LIN54: variants seen among roughly 807,000 people sequenced by gnomAD.
The protein encoded by LIN54 is protein lin-54 homolog.
A neutral mutation model predicts 78.7 loss-of-function variants in LIN54; 9 were observed. The observed-to-expected ratio is 0.11, with a 90% CI of 0.07 to 0.20. The LOEUF (loss-of-function observed/expected upper bound fraction) is 0.20, where lower values mean the gene tolerates loss of function less well. Ranked by LOEUF, LIN54 falls within the 10% of genes least tolerant of loss-of-function variation. The pLI is 1.00. For missense variants in LIN54, 573 were observed against 889.9 expected (o/e 0.64, Z 4.53); for synonymous variants, 269 against 318.4 (o/e 0.84, Z 1.65).
At chr4:82,973,484 T>A (rs1170016628) in intron 3 of LIN54, among the ~76,000 whole-genome samples, 1 of 152,204 alleles carries the variant, frequency 6.6e-6, no homozygotes, top group Non-Finnish European at 1.5e-5. Context: ...AGTTACATAA[T>A]TTGACCTTGA....
intron 4 of LIN54, among the ~76,000 whole-genome samples, chr4:82,947,249 T>TG (rs1723471276): frequency 7.2e-6 from 1 of 138,808 alleles, no homozygotes; most frequent in African/African-American, 2.7e-5. Flanking sequence ...TTTTTTTTTT[T>TG]GAAGACAGGG....
At chr4:82,987,768 T>G (rs1454373456) in intron 1 of LIN54, among the ~76,000 whole-genome samples, 1 of 152,244 alleles carries the variant, frequency 6.6e-6, no homozygotes, top group Non-Finnish European at 1.5e-5. Flanking sequence ...ATTTTATTTA[T>G]CCAGTCTATC....
Position 82,927,237 on chromosome 4 carries a change from T to C in LIN54, c.*865A>G, listed in dbSNP as rs367555555. On this transcript the variant is annotated 3_prime_UTR_variant, in exon 13 of 13. Coordinates refer to ENST00000340417, the MANE Select transcript of LIN54 (RefSeq NM_194282.4). ...CATCTTTTGCAGCTTCCCTATTCTT[T>C]GTTTCTCCACCCATGCCAAATTTTA... 16 of 152,362 alleles carry C rather than the reference T, an allele frequency of 1.1e-4. 1 individual carries two copies. Among genetic ancestry groups the C allele is most frequent in the African/African-American group, 3.6e-4 (15 of 41,598 alleles). The allele number at this position is 152,362 out of a possible 1,614,324, so 9.4% of individuals were successfully genotyped here.
rs1721370229 is a variant in LIN54, at chr4:82,925,236, G to A, written c.*2866C>T. The A allele has an allele frequency of 6.6e-6, 1 of 152,302 alleles. No individual in the cohort carries two copies. The highest frequency in any genetic ancestry group is 1.5e-5 in the Non-Finnish European group (1 of 68,050). 9.4% of individuals were successfully genotyped at this position (152,302 alleles called of 1,614,324 possible). ...TAGGTATTTTTGTTTTTGAGACAAG[G>A]TCTCACTCTGATTGCCAGGCTGGAG... On this transcript the variant is annotated 3_prime_UTR_variant, in exon 13 of 13. Transcript: ENST00000340417.
upstream of LIN54, among the ~76,000 whole-genome samples, chr4:83,011,719 T>C (rs1428241545): frequency 1.3e-5 from 2 of 151,658 alleles, no homozygotes; most frequent in African/African-American, 2.4e-5. Flanking sequence ...CATCAGTCAG[T>C]TGAATAAGTA....
At chr4:82,985,739 C>A (rs910339364) in intron 1 of LIN54, among the ~76,000 whole-genome samples, 1 of 152,176 alleles carries the variant, frequency 6.6e-6, no homozygotes, top group Admixed American at 6.6e-5. Context: ...CAGGGTTTTG[C>A]CATGTTGGCC....
At chr4:82,998,720 A>T (rs181315032) in intron 1 of LIN54, among the ~76,000 whole-genome samples, 135 of 152,230 alleles carry the variant, frequency 8.9e-4, no homozygotes, top group Admixed American at 1.6e-3. Flanking sequence ...TTTTTCCATA[A>T]ATATATTAAA....
intron 4 of LIN54, among the ~76,000 whole-genome samples, chr4:82,962,053 T>A (rs750315420): frequency 1.6e-4 from 24 of 152,124 alleles, no homozygotes; most frequent in Non-Finnish European, 3.1e-4. Flanking sequence ...CCATAAGACT[T>A]TTACGAATGG....
intron 5 of LIN54, among the ~76,000 whole-genome samples, chr4:82,943,798 G>A (rs1240852856): frequency 1.3e-5 from 2 of 150,692 alleles, no homozygotes; most frequent in African/African-American, 2.5e-5. Flanking sequence ...AGGAGAAAAA[G>A]AGAAGTAGAG....
intron 4 of LIN54, among the ~76,000 whole-genome samples, chr4:82,962,057 C>T (rs6811313): frequency 0.54 from 82,342 of 152,054 alleles, 24,142 homozygotes; most frequent in East Asian, 0.78. Flanking sequence ...AAGACTTTTA[C>T]GAATGGGAAA....
chr4:82,931,372 G>T (rs1446078488), intron 11 of LIN54, among the ~76,000 whole-genome samples: 1 of 152,142 alleles, frequency 6.6e-6, no homozygotes, highest in Non-Finnish European at 1.5e-5. Context: ...GTCCTTCCAT[G>T]TCAGTTTTCC....
intron 5 of LIN54, among the ~76,000 whole-genome samples, chr4:82,942,892 A>ACACACCCT (rs1553948199): frequency 1.4e-5 from 2 of 142,374 alleles, no homozygotes; most frequent in Non-Finnish European, 3.1e-5. Context: ...ACACACACAC[A>ACACACCCT]CCCTCCCTCC....
At chr4:82,989,979 C>T (rs1205264042) in intron 1 of LIN54, among the ~76,000 whole-genome samples, 1 of 152,184 alleles carries the variant, frequency 6.6e-6, no homozygotes, top group Non-Finnish European at 1.5e-5. Context: ...TGGTATGTTT[C>T]AATCCTACCT....
chr4:82,976,245 G>A (rs1002210637), intron 3 of LIN54, among the ~76,000 whole-genome samples: 1 of 152,124 alleles, frequency 6.6e-6, no homozygotes, highest in South Asian at 2.1e-4. Context: ...AAATGAACAA[G>A]GCCAAGAAAA....
At chr4:82,933,086 G>GA (rs1256052720) in intron 11 of LIN54, among the ~76,000 whole-genome samples, 2 of 151,474 alleles carry the variant, frequency 1.3e-5, no homozygotes, top group Non-Finnish European at 2.9e-5. Context: ...CTTACCAAAG[G>GA]AAAAAATGGA....
intron 1 of LIN54, among the ~76,000 whole-genome samples, chr4:83,000,076 T>C (rs1456720232): frequency 6.6e-6 from 1 of 152,052 alleles, no homozygotes; most frequent in Non-Finnish European, 1.5e-5. Context: ...TAAATTTTTA[T>C]AGAGATAGGG....
intron 4 of LIN54, among the ~76,000 whole-genome samples, chr4:82,949,777 C>T (rs1723705860): frequency 2.0e-5 from 3 of 151,570 alleles, no homozygotes; most frequent in African/African-American, 7.3e-5. Flanking sequence ...CCATAGGCTG[C>T]CTTTTCATTT....
At chr4:83,004,363 T>G (rs1023526485) in intron 1 of LIN54, among the ~76,000 whole-genome samples, 1 of 130,334 alleles carries the variant, frequency 7.7e-6, no homozygotes, top group Admixed American at 8.8e-5. Flanking sequence ...CGCGCCACTG[T>G]ACTCCAGCCT....
intron 4 of LIN54, among the ~76,000 whole-genome samples, chr4:82,969,697 T>G (rs532747946): frequency 5.3e-5 from 8 of 152,362 alleles, no homozygotes; most frequent in South Asian, 2.1e-4. Flanking sequence ...ATAATAATGC[T>G]TGGCTTTCTA....
Sources: allele counts gnomAD v4.1 joint callset (sites outside exome capture counted in the v4.1 genomes callset), GRCh38; gene constraint gnomAD v4.1.1; transcripts MANE v1.5; gene names NCBI Gene and HGNC (gene_info 2026-07-23, HGNC 2026-07-21).